The following RASSF8 variants were observed in gnomAD, a reference collection of about 807,000 sequenced individuals.
RASSF8 encodes Ras association domain family member 8.
RASSF8 carries 22 observed loss-of-function variants against 48.5 expected under a neutral mutation model. That is an observed-to-expected ratio of 0.45 (90% confidence interval 0.32 to 0.65). The LOEUF (loss-of-function observed/expected upper bound fraction) is 0.65. Ranked by LOEUF, RASSF8 falls within the 30% of genes least tolerant of loss-of-function variation. The probability of loss-of-function intolerance (pLI) is 0.03; values close to 1 mark genes in which losing one functional copy is unlikely to be tolerated. For missense variants in RASSF8, 418 were observed against 489.2 expected (o/e 0.85, Z 1.37); for synonymous variants, 127 against 171.5 (o/e 0.74, Z 2.03).
chr12:26,014,257 A>G (rs1023144548), intron 2 of RASSF8, among the ~76,000 whole-genome samples: 7 of 152,224 alleles, frequency 4.6e-5, no homozygotes, highest in African/African-American at 1.7e-4. Context: ...CATGGCAGAC[A>G]TAATTAGTTG....
intron 2 of RASSF8, among the ~76,000 whole-genome samples, chr12:26,030,994 C>G (rs940882145): frequency 6.6e-5 from 10 of 152,098 alleles, no homozygotes; most frequent in African/African-American, 2.4e-4. Flanking sequence ...TCAAGATGGT[C>G]AGGAACAGTG....
At chr12:25,964,896 A>G (rs909930268) in intron 1 of RASSF8, among the ~76,000 whole-genome samples, 1 of 152,104 alleles carries the variant, frequency 6.6e-6, no homozygotes, top group Non-Finnish European at 1.5e-5. Context: ...TTTAGTGTAT[A>G]ATGACTTCCC....
intron 2 of RASSF8, among the ~76,000 whole-genome samples, chr12:25,996,987 T>A (rs1446606882): frequency 2.6e-5 from 4 of 152,200 alleles, no homozygotes; most frequent in Non-Finnish European, 5.9e-5. Flanking sequence ...CTTAAAATTT[T>A]TAATTTCTTG....
intron 1 of RASSF8, among the ~76,000 whole-genome samples, chr12:25,985,711 C>T (rs1167479928): frequency 6.6e-6 from 1 of 152,058 alleles, no homozygotes; most frequent in Non-Finnish European, 1.5e-5. Context: ...AGGGAGGGGT[C>T]GCCAAAATTA....
intron 2 of RASSF8, among the ~76,000 whole-genome samples, chr12:26,033,363 G>A (rs1943067918): frequency 6.6e-6 from 1 of 152,206 alleles, no homozygotes; most frequent in Non-Finnish European, 1.5e-5. Context: ...TTGTTTTATA[G>A]CATGTTTTTG....
In RASSF8 at chr12:26,055,255, C is replaced by A; in HGVS notation, c.-89C>A. The stretch of plus-strand genomic sequence containing the variant: ...TTTTAGCTGACTACACAGACTTAGT[C>A]TTCTCCACTCCGTGTTCCTGCAGCT... On this transcript the variant is annotated 5_prime_UTR_variant, in exon 3 of 6. Coordinates refer to ENST00000689635, the MANE Select transcript of RASSF8 (RefSeq NM_001394098.1). 2 of 1,050,960 alleles carry A rather than the reference C, an allele frequency of 1.9e-6. No homozygotes were observed. The highest frequency in any genetic ancestry group is 3.0e-6 in the Non-Finnish European group (2 of 668,878). 65.1% of individuals were successfully genotyped at this position (1,050,960 alleles called of 1,614,324 possible). A position where few individuals can be genotyped will look rare whatever the true frequency, so the allele number is the denominator to read the frequency against.
intron 1 of RASSF8, among the ~76,000 whole-genome samples, chr12:25,984,237 T>TC (rs1305557659): frequency 1.4e-5 from 2 of 144,814 alleles, no homozygotes; most frequent in Non-Finnish European, 3.0e-5. Context: ...TTTTTTTTTT[T>TC]TTTTTTTTTT....
chr12:26,073,764 C>T (rs1311822192), downstream of RASSF8, among the ~76,000 whole-genome samples: 3 of 136,514 alleles, frequency 2.2e-5, no homozygotes, highest in South Asian at 4.7e-4. Flanking sequence ...CACACACACA[C>T]ACACACACAC....
chr12:25,975,864 A>G lies in RASSF8; in HGVS notation c.-203+16716A>G, dbSNP rs59429914. 1.4e-3 allele frequency among the ~76,000 whole-genome samples: 208 copies of G among 152,340 alleles called. 1 individual carries two copies. The highest frequency in any genetic ancestry group is 4.8e-3 in the African/African-American group (198 of 41,572). ...GCCCTAGGGAGAGGCCACCACAGCCAGAAAACTGTGGTGGTGGCTGACCCT... is the reference window on the plus strand; with the variant it reads ...GCCCTAGGGAGAGGCCACCACAGCCGGAAAACTGTGGTGGTGGCTGACCCT... On this transcript the variant is annotated intron_variant, in intron 1 of 5. Transcript: ENST00000689635.
rs570481942 is a variant in RASSF8 at position 26,048,687 on chromosome 12, A to C, written c.-108-6549A>C. ...TTTCATGCCACTCATGGCTCTCTCT[A>C]GCCTCTCTGTGCCTTCTTCCTCTCT... is the stretch of plus-strand genomic sequence containing the variant. On this transcript the variant is annotated intron_variant, in intron 2 of 5. Transcript: ENST00000689635. 7.9e-5 allele frequency among the ~76,000 whole-genome samples: 12 copies of C among 151,820 alleles called. No individual in the cohort carries two copies. The East Asian group carries it at 2.3e-3, about 29-fold the overall frequency.
chr12:26,043,041 G>A (rs1943299092), intron 2 of RASSF8, among the ~76,000 whole-genome samples: 1 of 152,058 alleles, frequency 6.6e-6, no homozygotes, highest in Non-Finnish European at 1.5e-5. Context: ...TGTACAATTA[G>A]TGCCTATATT....
rs3830495 is a variant in RASSF8, at chr12:26,070,729, G to GA, written c.*1912dup. On this transcript the variant is annotated 3_prime_UTR_variant, in exon 6 of 6. Coordinates refer to ENST00000689635, the MANE Select transcript of RASSF8 (RefSeq NM_001394098.1). ...TATAAAGTCATTTTGTTGTTGTTCAGAGAAATCAAGATCTTATTCACAAAG... is the reference window on the plus strand; with the variant it reads ...TATAAAGTCATTTTGTTGTTGTTCAGAAGAAATCAAGATCTTATTCACAAAG... The GA allele has an allele frequency of 0.43, 411,448 of 965,178 alleles. 89,039 individuals are homozygous for GA. Among genetic ancestry groups the GA allele is most frequent in the Non-Finnish European group, 0.44 (361,207 of 812,020 alleles). 59.8% of individuals were successfully genotyped at this position (965,178 alleles called of 1,614,324 possible). A position where few individuals can be genotyped will look rare whatever the true frequency, so the allele number is the denominator to read the frequency against.
At chr12:25,973,465 G>A (rs12811312) in intron 1 of RASSF8, among the ~76,000 whole-genome samples, 72,713 of 151,970 alleles carry the variant, frequency 0.48, 18,029 homozygotes, top group Non-Finnish European at 0.55. Context: ...CCATCCGTCA[G>A]CTGGATGTGA....
chr12:25,976,806 G>A (rs953962436), intron 1 of RASSF8, among the ~76,000 whole-genome samples: 1 of 152,286 alleles, frequency 6.6e-6, no homozygotes, highest in Admixed American at 6.5e-5. Flanking sequence ...CCGGTGACAT[G>A]ACTTTCTCCA....
intron 2 of RASSF8, among the ~76,000 whole-genome samples, chr12:26,017,892 G>A (rs943478728): frequency 6.6e-6 from 1 of 152,190 alleles, no homozygotes; most frequent in African/African-American, 2.4e-5. Flanking sequence ...CAAGCAAAAA[G>A]GTTGAAGTTG....
At chr12:25,989,192 A>G (rs1941957175) in intron 1 of RASSF8, among the ~76,000 whole-genome samples, 1 of 152,164 alleles carries the variant, frequency 6.6e-6, no homozygotes, top group Admixed American at 6.5e-5. Context: ...AGGCCCAACC[A>G]TATGTTTTCT....
Position 25,958,733 on chromosome 12 carries a change from C to T in RASSF8, c.-618C>T, listed in dbSNP as rs1393796615. ...GGTCGCCGACTCCTACGCCCGCGCT[C>T]CTCCTACGCCCGCGCTCGTCCGGCG... On this transcript the variant is annotated 5_prime_UTR_variant, in exon 1 of 6. Transcript: ENST00000689635. Among the ~76,000 whole-genome samples the T allele has an allele frequency of 6.8e-6, 1 of 146,360 alleles. No homozygotes were observed. The highest frequency in any genetic ancestry group is 6.8e-5 in the Admixed American group (1 of 14,730).
In RASSF8 at chr12:26,055,230, T is replaced by G; in HGVS notation, c.-108-6T>G. Reference sequence around the variant, plus strand: ...TTATTACAAGTGATTTTTTGCCCTTTTTTAGCTGACTACACAGACTTAGTC... The same window carrying G: ...TTATTACAAGTGATTTTTTGCCCTTGTTTAGCTGACTACACAGACTTAGTC... On this transcript the variant is annotated splice_polypyrimidine_tract_variant and splice_region_variant and intron_variant, in intron 2 of 5. Coordinates refer to ENST00000689635, the MANE Select transcript of RASSF8 (RefSeq NM_001394098.1). 1.2e-6 allele frequency: 1 copy of G among 826,366 alleles called. No individual in the cohort carries two copies. 51.2% of individuals were successfully genotyped at this position (826,366 alleles called of 1,614,324 possible).
At chr12:26,026,158 T>G (rs1942908184) in intron 2 of RASSF8, among the ~76,000 whole-genome samples, 1 of 151,948 alleles carries the variant, frequency 6.6e-6, no homozygotes, top group African/African-American at 2.4e-5. Flanking sequence ...ATTAAAGATT[T>G]GTGTTCACAT....
Sources: allele counts gnomAD v4.1 joint callset (sites outside exome capture counted in the v4.1 genomes callset), GRCh38; gene constraint gnomAD v4.1.1; transcripts MANE v1.5; gene names NCBI Gene and HGNC (gene_info 2026-07-23, HGNC 2026-07-21).